BCKDHB: variants seen among roughly 807,000 people sequenced by gnomAD.
BCKDHB encodes 2-oxoisovalerate dehydrogenase subunit beta, mitochondrial.
A neutral mutation model predicts 48.5 loss-of-function variants in BCKDHB; 41 were observed. The ratio of observed to expected loss-of-function variants is 0.85; its 90% CI spans 0.66 to 1.10. The LOEUF is 1.10. Ranked by LOEUF, BCKDHB falls within the 50% of genes least tolerant of loss-of-function variation. The probability of loss-of-function intolerance (pLI) is 0.00; values close to 1 mark genes in which losing one functional copy is unlikely to be tolerated. For synonymous variants in BCKDHB, 201 were observed against 174.8 expected, an observed-to-expected ratio of 1.15 and a Z score of -1.18; for missense variants, 496 against 494.2, an observed-to-expected ratio of 1.00 and a Z score of -0.03.
intron 8 of BCKDHB, among the ~76,000 whole-genome samples, chr6:80,271,542 T>G (rs1033545773): frequency 6.6e-6 from 1 of 152,194 alleles, no homozygotes; most frequent in Non-Finnish European, 1.5e-5. Flanking sequence ...CATTTGATTT[T>G]GGATAGGCCT....
the BCKDHB span, among the ~76,000 whole-genome samples, chr6:80,434,634 C>A: frequency 6.6e-6 from 1 of 152,044 alleles, no homozygotes; most frequent in African/African-American, 2.4e-5. Context: ...CCAGTTTAAT[C>A]CCTTTGTAGA....
Position 80,285,233 on chromosome 6 carries a change from T to C in BCKDHB, c.1038+12012T>C, listed in dbSNP as rs796542373. 7.9e-5 allele frequency among the ~76,000 whole-genome samples: 12 copies of C among 152,196 alleles called. No individual in the cohort carries two copies. The East Asian group carries it at 1.4e-3, about 17-fold the overall frequency. ...TGAGTAATATTCCAACATCGCACAA[T>C]TCTAAATTTTATTAAAACCAGCTTT... is the stretch of plus-strand genomic sequence containing the variant. On this transcript the variant is annotated intron_variant, in intron 9 of 9. Coordinates refer to ENST00000320393, the MANE Select transcript of BCKDHB (RefSeq NM_183050.4).
the BCKDHB span, among the ~76,000 whole-genome samples, chr6:80,389,857 G>A: frequency 2.0e-5 from 3 of 152,032 alleles, no homozygotes; most frequent in African/African-American, 7.2e-5. Flanking sequence ...CAGGATTTAT[G>A]GGTCCAGGAA....
At chr6:80,215,908 A>AT (rs1373286551) in intron 8 of BCKDHB, among the ~76,000 whole-genome samples, 1 of 151,982 alleles carries the variant, frequency 6.6e-6, no homozygotes, top group East Asian at 1.9e-4. Flanking sequence ...TGCCCGTCTA[A>AT]TTTTTTGTAT....
At position 80,222,320 on chromosome 6, in the gene BCKDHB, A is replaced by G. The variant is rs544208914; in HGVS notation, c.951+19108A>G. On this transcript the variant is annotated intron_variant, in intron 8 of 9. Transcript: ENST00000320393. ...GGGCAACATGATTAATGTTATTGCA[A>G]TAAGTCAGTTAAAAACAAGTCATTT... Among the ~76,000 whole-genome samples the G allele has an allele frequency of 2.0e-4, 31 of 152,352 alleles. 1 individual carries two copies. Among genetic ancestry groups the G allele is most frequent in the East Asian group, 1.5e-3 (8 of 5,182 alleles).
chr6:80,217,873 C>G (rs532165098), intron 8 of BCKDHB, among the ~76,000 whole-genome samples: 1 of 152,074 alleles, frequency 6.6e-6, no homozygotes, highest in Non-Finnish European at 1.5e-5. Context: ...GGTTTTTAAC[C>G]AGAGTCAGGA....
chr6:80,339,576 A>G (rs549613426), intron 9 of BCKDHB, among the ~76,000 whole-genome samples: 2 of 152,290 alleles, frequency 1.3e-5, no homozygotes, highest in South Asian at 4.1e-4. Context: ...TAATATATAA[A>G]CAATTGGAGT....
In BCKDHB at chr6:80,343,980, ATAG is replaced by A. The variant is rs1770054443; in HGVS notation, c.*182_*184del. The A allele has an allele frequency of 1.4e-6, 1 of 730,314 alleles. No individual in the cohort carries two copies. Among genetic ancestry groups the A allele is most frequent in the Non-Finnish European group, 2.2e-6 (1 of 444,742 alleles). The allele number at this position is 730,314 out of a possible 1,614,324, so 45.2% of individuals were successfully genotyped here. ...TGCTTTAGAAAAAAAATTCAAATTT[ATAG>A]TAGTATATTTACATTTTTGTTGTTG... On this transcript the variant is annotated 3_prime_UTR_variant, in exon 10 of 10. Coordinates refer to ENST00000320393, the MANE Select transcript of BCKDHB (RefSeq NM_183050.4).
chr6:80,382,694 A>G, the BCKDHB span, among the ~76,000 whole-genome samples: 1 of 152,126 alleles, frequency 6.6e-6, no homozygotes, highest in Non-Finnish European at 1.5e-5. Flanking sequence ...CTTGATATAT[A>G]TATATATATT....
intron 6 of BCKDHB, among the ~76,000 whole-genome samples, chr6:80,191,982 C>T (rs1047328248): frequency 1.3e-5 from 2 of 152,146 alleles, no homozygotes; most frequent in Non-Finnish European, 2.9e-5. Context: ...AATGTGGACA[C>T]TGATATATGT....
At chr6:80,139,194 T>C (rs934608792) in intron 3 of BCKDHB, among the ~76,000 whole-genome samples, 3 of 152,198 alleles carry the variant, frequency 2.0e-5, no homozygotes, top group African/African-American at 7.2e-5. Flanking sequence ...TTGTAGATTC[T>C]GGATATTAGC....
chr6:80,166,794 T>G (rs1220939413), intron 3 of BCKDHB, among the ~76,000 whole-genome samples: 4 of 152,212 alleles, frequency 2.6e-5, no homozygotes, highest in East Asian at 3.8e-4. Flanking sequence ...TAGTCCAGTA[T>G]ATGGTCAATT....
At chr6:80,333,752 G>T (rs1769434738) in intron 9 of BCKDHB, among the ~76,000 whole-genome samples, 2 of 151,990 alleles carry the variant, frequency 1.3e-5, no homozygotes, top group African/African-American at 4.8e-5. Flanking sequence ...CAAAATATGT[G>T]ACTAATAGCT....
rs1811844 is a variant in BCKDHB, at chr6:80,344,149, C to T, written c.*345C>T. ...CCTGCTGAGTAGTTGGGATTACAGG[C>T]GCCCACCACCATGCCCAGCTAATTT... On this transcript the variant is annotated 3_prime_UTR_variant, in exon 10 of 10. Transcript: ENST00000320393. 228,696 of 314,868 alleles carry T rather than the reference C, an allele frequency of 0.73. 88,578 individuals are homozygous for T. Among genetic ancestry groups the T allele is most frequent in the Non-Finnish European group, 0.83 (134,903 of 162,770 alleles). 19.5% of individuals were successfully genotyped at this position (314,868 alleles called of 1,614,324 possible). A position where few individuals can be genotyped will look rare whatever the true frequency, so the allele number is the denominator to read the frequency against.
intron 8 of BCKDHB, among the ~76,000 whole-genome samples, chr6:80,250,220 A>G (rs953588194): frequency 1.4e-4 from 21 of 152,072 alleles, no homozygotes; most frequent in Non-Finnish European, 2.9e-5. Flanking sequence ...ACTGAAGCCT[A>G]GGAGTTTAGA....
At chr6:80,220,304 G>GTTTTTTTTTTTTTTTTTTTATTTT (rs56967096) in intron 8 of BCKDHB, among the ~76,000 whole-genome samples, 1 of 60,860 alleles carries the variant, frequency 1.6e-5, no homozygotes, top group Non-Finnish European at 2.9e-5. Flanking sequence ...CATGCTATTT[G>GTTTTTTTTTTTTTTTTTTTATTTT]TTTTTTTTTT....
At chr6:80,204,189 C>T (rs1328369929) in intron 8 of BCKDHB, among the ~76,000 whole-genome samples, 1 of 151,970 alleles carries the variant, frequency 6.6e-6, no homozygotes, top group Non-Finnish European at 1.5e-5. Context: ...ATGAAAATAA[C>T]CTGCAGATAC....
At chr6:80,259,193 T>C (rs901726221) in intron 8 of BCKDHB, among the ~76,000 whole-genome samples, 2 of 152,182 alleles carry the variant, frequency 1.3e-5, no homozygotes, top group Non-Finnish European at 2.9e-5. Flanking sequence ...AATTTGGAGA[T>C]TTGTCTTGAA....
chr6:80,294,187 G>A (rs1166038041), intron 9 of BCKDHB, among the ~76,000 whole-genome samples: 1 of 152,138 alleles, frequency 6.6e-6, no homozygotes, highest in Non-Finnish European at 1.5e-5. Context: ...CTGCGGCAGA[G>A]GAACATAAAT....
Sources: gnomAD v4.1 joint callset for allele counts (sites outside exome capture counted in the v4.1 genomes callset) on GRCh38, gnomAD v4.1.1 for gene constraint, MANE v1.5 for transcripts, NCBI Gene and HGNC (gene_info 2026-07-23, HGNC 2026-07-21) for gene names.